The following NHS variants were observed in gnomAD, a reference collection of about 807,000 sequenced individuals.
NHS encodes actin remodeling regulator NHS.
NHS carries 5 observed loss-of-function variants against 72.5 expected under a neutral mutation model. The ratio of observed to expected loss-of-function variants is 0.07; its 90% CI spans 0.04 to 0.14. NHS has a LOEUF of 0.14. Among genes scored for constraint, NHS ranks in the 10% least tolerant of loss-of-function variants. The pLI is 1.00. For missense variants in NHS, 1,072 were observed against 1,355.7 expected, an observed-to-expected ratio of 0.79 and a Z score of 3.29; for synonymous variants, 464 against 547.7, an observed-to-expected ratio of 0.85 and a Z score of 2.13.
intron 1 of NHS, chrX:17,635,409 C>G: frequency 8.6e-7 from 1 of 1,160,637 alleles, no homozygotes; most frequent in Non-Finnish European, 1.1e-6. Context: ...CTGTGAAAAT[C>G]TGCCATCCTC....
chrX:17,609,829 C>T (rs1213950256), intron 1 of NHS, among the ~76,000 whole-genome samples: 3 of 111,200 alleles, frequency 2.7e-5, no homozygotes, highest in South Asian at 7.8e-4. Context: ...GGATTAGCAG[C>T]TGTTGGTTAC....
chrX:17,493,986 G>C (rs2065001843), intron 1 of NHS, among the ~76,000 whole-genome samples: 1 of 110,471 alleles, frequency 9.1e-6, no homozygotes, highest in Non-Finnish European at 1.9e-5. Context: ...TCATCTGAAA[G>C]GTGGGTGAAT....
intron 1 of NHS, among the ~76,000 whole-genome samples, chrX:17,489,738 C>A (rs2064982339): frequency 8.9e-6 from 1 of 112,056 alleles, no homozygotes; most frequent in Admixed American, 9.5e-5. Flanking sequence ...CTGCCCACCT[C>A]GGCCTCCCAA....
At chrX:17,437,755 AC>A (rs1302491473) in intron 1 of NHS, among the ~76,000 whole-genome samples, 5 of 112,084 alleles carry the variant, frequency 4.5e-5, no homozygotes, top group African/African-American at 1.6e-4. Context: ...GATAGTTTCC[AC>A]ATCACAGGAC....
chrX:17,415,383 A>C (rs1244461489), intron 1 of NHS, among the ~76,000 whole-genome samples: 1 of 110,807 alleles, frequency 9.0e-6, no homozygotes, highest in Non-Finnish European at 1.9e-5. Flanking sequence ...GAGTGCCCTG[A>C]TTTCTTTAGT....
intron 1 of NHS, among the ~76,000 whole-genome samples, chrX:17,601,569 T>C (rs776618084): frequency 1.8e-5 from 2 of 111,664 alleles, no homozygotes; most frequent in Admixed American, 9.5e-5. Flanking sequence ...TAAAAACTTA[T>C]GTAACTGTTG....
rs2066454766 is a variant in NHS at position 17,727,439 on chromosome X, T to C, written c.3333T>C (p.Phe1111=). ...PFHHRHPLHV[F]THNKQNTVGE... ...ACCACCGTCATCCACTGCATGTTTT[T>C]ACTCATAATAAGCAGAACACAGTAG... Residue 1111 remains phenylalanine (F), a synonymous_variant, in exon 7 of 9, where the codon TTT becomes TTC. Transcript: ENST00000676302. The C allele has an allele frequency of 8.3e-7, 1 of 1,211,839 alleles. No homozygotes were observed. Among genetic ancestry groups the C allele is most frequent in the Non-Finnish European group, 1.1e-6 (1 of 895,489 alleles).
At position 17,658,283 on chromosome X, in the gene NHS, A is replaced by T. The variant is rs948116192; in HGVS notation, c.566-29459A>T. On this transcript the variant is annotated intron_variant, in intron 1 of 8. Coordinates refer to ENST00000676302, the MANE Select transcript of NHS (RefSeq NM_001291867.2). ...GATTTGGTTGGATGATAGGATTTTT[A>T]TTTTTTTTGGCAAGAATGCATTAGC... 1.6e-3 allele frequency among the ~76,000 whole-genome samples: 177 copies of T among 111,914 alleles called. 1 individual carries two copies. The highest frequency in any genetic ancestry group is 0.014 in the Middle Eastern group (3 of 219).
chrX:17,486,260 A>T (rs1292237683), intron 1 of NHS, among the ~76,000 whole-genome samples: 1 of 112,256 alleles, frequency 8.9e-6, no homozygotes, highest in Non-Finnish European at 1.9e-5. Context: ...GATTTTTAAG[A>T]TTTAACATTA....
intron 1 of NHS, among the ~76,000 whole-genome samples, chrX:17,588,208 G>A (rs752614811): frequency 1.8e-5 from 2 of 111,177 alleles, no homozygotes; most frequent in South Asian, 3.8e-4. Flanking sequence ...GTCTGGGGAG[G>A]GGTGCAGTAT....
intron 1 of NHS, among the ~76,000 whole-genome samples, chrX:17,557,547 A>G (rs1165799703): frequency 3.6e-5 from 4 of 110,736 alleles, no homozygotes; most frequent in Non-Finnish European, 7.6e-5. Flanking sequence ...CTATCACTGC[A>G]TAACCAATCA....
At chrX:17,724,613 T>C (rs1303539322) in intron 6 of NHS, among the ~76,000 whole-genome samples, 183 bp downstream of exon 6, 6 of 112,418 alleles carry the variant, frequency 5.3e-5, no homozygotes, top group Non-Finnish European at 9.4e-5. Flanking sequence ...CTGTGAAGAT[T>C]TGACCTTATA....
intron 3 of NHS, among the ~76,000 whole-genome samples, chrX:17,695,285 C>A (rs766002141): frequency 8.9e-6 from 1 of 111,967 alleles, no homozygotes; most frequent in Non-Finnish European, 1.9e-5. Context: ...TTCATCAAAG[C>A]ACTGTTTACA....
intron 1 of NHS, among the ~76,000 whole-genome samples, chrX:17,529,850 A>G (rs960612709): frequency 3.6e-5 from 4 of 111,604 alleles, no homozygotes; most frequent in African/African-American, 1.3e-4. Context: ...AGGGTATGAC[A>G]GTGTGGAGTT....
chrX:17,664,761 G>T lies in NHS; in HGVS notation c.566-22981G>T, dbSNP rs182811397. Among the ~76,000 whole-genome samples, 152 of 111,620 alleles carry T rather than the reference G, an allele frequency of 1.4e-3. 1 individual carries two copies. Among genetic ancestry groups the T allele is most frequent in the African/African-American group, 4.8e-3 (148 of 30,866 alleles). Reference sequence around the variant, plus strand: ...AAAAAAGCATGGTATGATTTTGATTGGCATTCATTTGAATATATGGATGGA... The same window carrying T: ...AAAAAAGCATGGTATGATTTTGATTTGCATTCATTTGAATATATGGATGGA... On this transcript the variant is annotated intron_variant, in intron 1 of 8. Transcript: ENST00000676302.
Position 17,726,277 on chromosome X carries a change from A to G in NHS, c.2171A>G (p.Asn724Ser). Residue 724 changes from asparagine to serine, a missense_variant, in exon 7 of 9, where the codon AAT (asparagine) becomes AGT (serine). Physicochemically the swap from Asn to Ser is conservative, Grantham distance 46 (BLOSUM62 1). Transcript: ENST00000676302. Reference sequence around the variant, plus strand: ...AGCAACACAAGTGACAGTGAGTGGAATTACCTACACCACCACCATGATGCC... The same window carrying G: ...AGCAACACAAGTGACAGTGAGTGGAGTTACCTACACCACCACCATGATGCC... ...NNSNTSDSEW[N>S]YLHHHHDASC... The G allele has an allele frequency of 8.3e-7, 1 of 1,211,991 alleles. No homozygotes were observed. Among genetic ancestry groups the G allele is most frequent in the East Asian group, 3.0e-5 (1 of 33,836 alleles).
intron 1 of NHS, among the ~76,000 whole-genome samples, chrX:17,409,872 G>A (rs1409754733): frequency 2.7e-5 from 3 of 111,767 alleles, no homozygotes; most frequent in Non-Finnish European, 3.8e-5. Flanking sequence ...CTATAATGGG[G>A]TAATAATGAG....
intron 1 of NHS, among the ~76,000 whole-genome samples, chrX:17,464,096 T>C (rs1214468207): frequency 1.8e-5 from 2 of 109,712 alleles, no homozygotes; most frequent in Non-Finnish European, 3.8e-5. Context: ...GGAAAAGGTG[T>C]TTTGGTTTCT....
intron 1 of NHS, among the ~76,000 whole-genome samples, chrX:17,513,232 G>C (rs2065099261): frequency 1.8e-5 from 2 of 112,075 alleles, no homozygotes; most frequent in South Asian, 7.4e-4. Flanking sequence ...CTTCCCAGGA[G>C]GTAAAATTAC....
Sources: gnomAD v4.1 joint callset for allele counts (sites outside exome capture counted in the v4.1 genomes callset) on GRCh38, gnomAD v4.1.1 for gene constraint, MANE v1.5 for transcripts, NCBI Gene and HGNC (gene_info 2026-07-23, HGNC 2026-07-21) for gene names.